The following PAX7 variants were observed in gnomAD, a reference collection of about 807,000 sequenced individuals.
The protein encoded by PAX7 is paired box 7.
In PAX7, 18 loss-of-function variants were observed where a neutral mutation model predicts 50.7. The observed-to-expected ratio is 0.36, with a 90% CI of 0.25 to 0.53. The LOEUF (loss-of-function observed/expected upper bound fraction) is 0.53, where lower values mean the gene tolerates loss of function less well. Ranked by LOEUF, PAX7 falls within the 20% of genes least tolerant of loss-of-function variation. The pLI is 0.93. For synonymous variants in PAX7, 310 were observed against 290.4 expected, an observed-to-expected ratio of 1.07 and a Z score of -0.69; for missense variants, 644 against 702.9, an observed-to-expected ratio of 0.92 and a Z score of 0.95.
chr1:18,672,463 C>T (rs986625422), intron 4 of PAX7, among the ~76,000 whole-genome samples: 5 of 152,162 alleles, frequency 3.3e-5, no homozygotes, highest in Non-Finnish European at 7.3e-5. Flanking sequence ...AGAACCATGG[C>T]TGGCAGGAGG....
At chr1:18,690,421 C>A (rs907543749) in intron 4 of PAX7, among the ~76,000 whole-genome samples, 1 of 152,218 alleles carries the variant, frequency 6.6e-6, no homozygotes, top group Non-Finnish European at 1.5e-5. Context: ...GCAGCTTCAG[C>A]GCCCCGGCTG....
In PAX7 at chr1:18,634,218, A is replaced by G; in HGVS notation, c.86-85A>G. The G allele has an allele frequency of 1.8e-6, 2 of 1,112,166 alleles. No homozygotes were observed. The highest frequency in any genetic ancestry group is 2.6e-6 in the Non-Finnish European group (2 of 767,496). 68.9% of individuals were successfully genotyped at this position (1,112,166 alleles called of 1,614,324 possible). Reference sequence around the variant, plus strand: ...AGGTCTTGGGGCTCAAACAAACAAAACTGGAGTCAGGGAGTGTACTCAGTG... The same window carrying G: ...AGGTCTTGGGGCTCAAACAAACAAAGCTGGAGTCAGGGAGTGTACTCAGTG... On this transcript the variant is annotated intron_variant, in intron 1 of 8. Coordinates refer to ENST00000420770, the MANE Select transcript of PAX7 (RefSeq NM_001135254.2). The surrounding 1 kb of genome is among the most constrained non-coding windows in gnomAD (Gnocchi z 4.0).
At chr1:18,649,821 C>T (rs1427444252) in intron 4 of PAX7, among the ~76,000 whole-genome samples, 1 of 152,240 alleles carries the variant, frequency 6.6e-6, no homozygotes, top group African/African-American at 2.4e-5. Flanking sequence ...TGGCCCCATG[C>T]AGAGGCCCTA....
intron 4 of PAX7, among the ~76,000 whole-genome samples, chr1:18,670,180 C>G (rs1180122398): frequency 6.6e-6 from 1 of 151,644 alleles, no homozygotes; most frequent in Non-Finnish European, 1.5e-5. Context: ...TTCTCTGCAT[C>G]TTAGACCCCC....
chr1:18,645,352 G>A (rs1039159539), intron 4 of PAX7, among the ~76,000 whole-genome samples: 2 of 152,252 alleles, frequency 1.3e-5, no homozygotes, highest in African/African-American at 4.8e-5. Context: ...ACCACGAAAA[G>A]ACCGAAGATC....
At chr1:18,742,148 CTTTTTTTTTTT>C (rs61248648) in intron 8 of PAX7, among the ~76,000 whole-genome samples, 1 of 103,556 alleles carries the variant, frequency 9.7e-6, no homozygotes, top group Non-Finnish European at 1.9e-5. Flanking sequence ...AATGAGGCTT[CTTTTTTTTTTT>C]TTTTTTTTTT....
At chr1:18,694,675 G>A (rs373787758) in intron 5 of PAX7, among the ~76,000 whole-genome samples, 3 of 152,064 alleles carry the variant, frequency 2.0e-5, no homozygotes, top group East Asian at 3.9e-4. Flanking sequence ...TGAGAGCTCA[G>A]GGTTCCTGCC....
At chr1:18,723,238 C>T (rs1033291841) in intron 7 of PAX7, among the ~76,000 whole-genome samples, 7 of 152,182 alleles carry the variant, frequency 4.6e-5, no homozygotes, top group African/African-American at 1.7e-4. Context: ...TGAGTATGTT[C>T]CCCCCGAGGC....
In PAX7 at chr1:18,670,082, C is replaced by CAAA. The variant is rs10626256; in HGVS notation, c.587-21654_587-21652dup. Among the ~76,000 whole-genome samples the CAAA allele has an allele frequency of 3.9e-3, 314 of 81,034 alleles. 5 individuals carry two copies. Among genetic ancestry groups the CAAA allele is most frequent in the South Asian group, 0.014 (26 of 1,812 alleles). The allele number at this position is 81,034 out of a possible 152,430, so 53.2% of individuals were successfully genotyped here. On this transcript the variant is annotated intron_variant, in intron 4 of 8. Transcript: ENST00000420770. ...TGGGTGACAGAGTGAGACTCCATCT[C>CAAA]AAAAAAAAAAAAAAAAAAAAGAGCC...
In PAX7 at chr1:18,703,236, C is replaced by T. The variant is rs767237234; in HGVS notation, c.1095C>T (p.Phe365=). The T allele has an allele frequency of 6.2e-6, 10 of 1,614,250 alleles. No homozygotes were observed. The South Asian group carries it at 8.8e-5, about 14-fold the overall frequency. The change falls in exon 7 of 9, where the codon TTC becomes TTT. Residue 365 remains phenylalanine (F), a synonymous_variant. Coordinates refer to ENST00000420770, the MANE Select transcript of PAX7 (RefSeq NM_001135254.2). The part of the protein sequence containing the change: ...RHSFSSYSDS[F]MNPAAPSNHM... ...GCTTCTCCAGCTACTCTGACAGCTT[C>T]ATGAATCCGGCGGCGCCCTCCAACC...
intron 4 of PAX7, among the ~76,000 whole-genome samples, chr1:18,649,046 G>A (rs1334630324): frequency 6.6e-6 from 1 of 152,170 alleles, no homozygotes; most frequent in Non-Finnish European, 1.5e-5. Context: ...AGGGAACTTG[G>A]AATTCCTCTG....
intron 4 of PAX7, among the ~76,000 whole-genome samples, chr1:18,675,254 A>G (rs2236830): frequency 0.027 from 4,161 of 152,164 alleles, 113 homozygotes; most frequent in East Asian, 0.14. Context: ...CACGCCCACC[A>G]TGAAAAAAAG....
intron 5 of PAX7, among the ~76,000 whole-genome samples, chr1:18,695,705 C>G (rs1448709812): frequency 6.6e-6 from 1 of 152,196 alleles, no homozygotes; most frequent in Admixed American, 6.5e-5. Context: ...TGGAGTGATA[C>G]ATATATCTTC....
chr1:18,649,225 C>T (rs1385447683), intron 4 of PAX7, among the ~76,000 whole-genome samples: 1 of 152,084 alleles, frequency 6.6e-6, no homozygotes, highest in Non-Finnish European at 1.5e-5. Context: ...AGGAGCAAAA[C>T]GGACTGGTGG....
rs776185206 is a variant in PAX7, at chr1:18,631,720, T to A, written c.85+32T>A. 17 of 1,570,606 alleles carry A rather than the reference T, an allele frequency of 1.1e-5. 1 individual carries two copies. The South Asian group carries it at 1.9e-4, about 18-fold the overall frequency. On this transcript the variant is annotated intron_variant, in intron 1 of 8. Coordinates refer to ENST00000420770, the MANE Select transcript of PAX7 (RefSeq NM_001135254.2). ...ACGCCCAGGCTGGCCTCGCCGCGAC[T>A]CCGCCGCCCGGAACTCGGGGTCCTT...
chr1:18,640,128 CTTTA>C (rs941426491), intron 4 of PAX7, among the ~76,000 whole-genome samples: 2 of 151,988 alleles, frequency 1.3e-5, no homozygotes, highest in Non-Finnish European at 2.9e-5. Context: ...TGTATTTTTC[CTTTA>C]TTTATTTTTA....
At chr1:18,709,665 T>C (rs529118023) in intron 7 of PAX7, among the ~76,000 whole-genome samples, 1 of 152,310 alleles carries the variant, frequency 6.6e-6, no homozygotes, top group Non-Finnish European at 1.5e-5. Context: ...GAAACCTTCC[T>C]TGTCCAGGGT....
chr1:18,648,813 C>T (rs920740296), intron 4 of PAX7, among the ~76,000 whole-genome samples: 2 of 152,020 alleles, frequency 1.3e-5, no homozygotes, highest in Non-Finnish European at 2.9e-5. Flanking sequence ...TTCACCGAGC[C>T]GAGAATGTAC....
At chr1:18,695,407 G>C (rs966875056) in intron 5 of PAX7, among the ~76,000 whole-genome samples, 3 of 152,078 alleles carry the variant, frequency 2.0e-5, no homozygotes, top group Non-Finnish European at 2.9e-5. Flanking sequence ...GGATTCACTG[G>C]GCAAAAAGCT....
Sources: gnomAD v4.1 joint callset for allele counts (sites outside exome capture counted in the v4.1 genomes callset) on GRCh38, gnomAD v4.1.1 for gene constraint, Gnocchi (gnomAD v3.1) non-coding constraint, MANE v1.5 for transcripts, NCBI Gene and HGNC (gene_info 2026-07-23, HGNC 2026-07-21) for gene names.